SPAG16: variants seen among roughly 807,000 people sequenced by gnomAD.
SPAG16 encodes the protein sperm associated antigen 16, also known as sperm-associated antigen 16 protein.
A neutral mutation model predicts 80.4 loss-of-function variants in SPAG16; 86 were observed. The observed-to-expected ratio is 1.07, with a 90% confidence interval of 0.90 to 1.28. The LOEUF is 1.28. Ranked by LOEUF, SPAG16 falls within the 50% of genes most tolerant of loss-of-function variation. The pLI is 0.00. For missense variants in SPAG16, 870 were observed against 765.3 expected (o/e 1.14, Z -1.61); for synonymous variants, 294 against 265.9 (o/e 1.11, Z -1.03).
intron 15 of SPAG16, among the ~76,000 whole-genome samples, chr2:214,272,185 G>T (rs1576645847): frequency 6.6e-6 from 1 of 151,978 alleles, no homozygotes; most frequent in Non-Finnish European, 1.5e-5. Context: ...ATGATATAAG[G>T]TATGAAAGTG....
intron 10 of SPAG16, among the ~76,000 whole-genome samples, chr2:213,546,017 G>T (rs1317384294): frequency 6.6e-6 from 1 of 151,924 alleles, no homozygotes; most frequent in African/African-American, 2.4e-5. Context: ...CTTTAGTTGG[G>T]TGCCTTACCT....
intron 9 of SPAG16, among the ~76,000 whole-genome samples, chr2:213,388,197 C>A (rs116317427): frequency 0.015 from 2,252 of 152,320 alleles, 35 homozygotes; most frequent in Middle Eastern, 0.044. Flanking sequence ...GGGCAAAAAG[C>A]ATCCTGTCCT....
intron 10 of SPAG16, among the ~76,000 whole-genome samples, chr2:213,857,948 G>A (rs1461207252): frequency 6.6e-6 from 1 of 152,176 alleles, no homozygotes; most frequent in Admixed American, 6.5e-5. Flanking sequence ...CATCAGATGT[G>A]ATAGAAATAG....
intron 9 of SPAG16, among the ~76,000 whole-genome samples, chr2:213,421,467 G>A (rs2069582929): frequency 6.6e-6 from 1 of 152,228 alleles, no homozygotes; most frequent in South Asian, 2.1e-4. Context: ...ACATGTAGAT[G>A]GTGGCAGGAG....
intron 14 of SPAG16, among the ~76,000 whole-genome samples, chr2:214,140,933 T>TGGGGGGGGGG (rs56893647): frequency 5.1e-5 from 3 of 59,212 alleles, no homozygotes; most frequent in African/African-American, 1.3e-4. Flanking sequence ...ATCCCATTGG[T>TGGGGGGGGGG]GGGGGGGGGG....
chr2:214,322,067 T>G (rs562425266), intron 15 of SPAG16, among the ~76,000 whole-genome samples: 25 of 152,350 alleles, frequency 1.6e-4, no homozygotes, highest in African/African-American at 6.0e-4. Context: ...AAGAGATAAT[T>G]TTGTGGATTT....
intron 9 of SPAG16, among the ~76,000 whole-genome samples, chr2:213,414,376 A>T (rs2069140872): frequency 6.6e-6 from 1 of 152,188 alleles, no homozygotes; most frequent in Non-Finnish European, 1.5e-5. Context: ...TTCCTTAATT[A>T]ATTAGACATT....
chr2:214,269,367 C>G (rs1256823352), intron 15 of SPAG16, among the ~76,000 whole-genome samples: 1 of 151,902 alleles, frequency 6.6e-6, no homozygotes, highest in Admixed American at 6.6e-5. Flanking sequence ...TAAATGATTT[C>G]TTTTGATCTT....
chr2:214,133,891 G>A (rs1559831594), intron 14 of SPAG16, among the ~76,000 whole-genome samples: 1 of 152,142 alleles, frequency 6.6e-6, no homozygotes, highest in Non-Finnish European at 1.5e-5. Context: ...AAGTGCAGCA[G>A]AAGGCTCAAG....
intron 12 of SPAG16, among the ~76,000 whole-genome samples, chr2:213,955,450 T>A (rs2044070503): frequency 6.6e-6 from 1 of 152,202 alleles, no homozygotes; most frequent in South Asian, 2.1e-4. Context: ...CGCTATTTCA[T>A]CCTTGACTTG....
In SPAG16 at chr2:214,382,796, G is replaced by A. The variant is rs1013357061; in HGVS notation, c.1721-27344G>A. Among the ~76,000 whole-genome samples, 6 of 152,150 alleles carry A rather than the reference G, an allele frequency of 3.9e-5. No individual in the cohort carries two copies. In the East Asian group the frequency reaches 7.7e-4, roughly 20 times the overall value. On this transcript the variant is annotated intron_variant, in intron 15 of 15. Coordinates refer to ENST00000331683, the MANE Select transcript of SPAG16 (RefSeq NM_024532.5). ...ATAGGCTTTTTCTTTTGAGAGTGAT[G>A]GAAAGATATGCCAGGTACAGAGAGC...
At chr2:214,066,539 T>C (rs1222372021) in intron 13 of SPAG16, among the ~76,000 whole-genome samples, 8 of 152,158 alleles carry the variant, frequency 5.3e-5, no homozygotes, top group Non-Finnish European at 1.5e-5. Flanking sequence ...TCTTTCCTTA[T>C]TGGTTTCAAA....
intron 15 of SPAG16, among the ~76,000 whole-genome samples, chr2:214,291,804 C>CAG (rs1246459681): frequency 2.0e-5 from 3 of 151,942 alleles, no homozygotes; most frequent in Non-Finnish European, 4.4e-5. Flanking sequence ...TGTAGTGGTA[C>CAG]AATTTGGGTT....
At chr2:213,290,397 A>G (rs749042892) in intron 1 of SPAG16, among the ~76,000 whole-genome samples, 2 of 152,194 alleles carry the variant, frequency 1.3e-5, no homozygotes, top group African/African-American at 4.8e-5. Flanking sequence ...AAGGGGAGCC[A>G]TGGACACTAC....
At chr2:214,122,587 G>T (rs1232414191) in intron 14 of SPAG16, among the ~76,000 whole-genome samples, 10 of 151,822 alleles carry the variant, frequency 6.6e-5, no homozygotes, top group Non-Finnish European at 3.0e-5. Context: ...ATAAAGAAAT[G>T]CAAACAACAA....
intron 13 of SPAG16, among the ~76,000 whole-genome samples, chr2:214,039,631 G>T (rs1222110831): frequency 1.3e-5 from 2 of 152,126 alleles, no homozygotes; most frequent in African/African-American, 4.8e-5. Flanking sequence ...TGGATTCTGT[G>T]GCACTTAAAA....
chr2:213,900,046 T>C (rs546810276), intron 11 of SPAG16, among the ~76,000 whole-genome samples: 1 of 152,294 alleles, frequency 6.6e-6, no homozygotes, highest in African/African-American at 2.4e-5. Context: ...AAATATATTC[T>C]GCCTTTGTTG....
intron 15 of SPAG16, among the ~76,000 whole-genome samples, chr2:214,275,201 G>T (rs1410860306): frequency 6.6e-6 from 1 of 151,956 alleles, no homozygotes; most frequent in Non-Finnish European, 1.5e-5. Context: ...TTCTTTATTA[G>T]TCTTGCTAGC....
At chr2:214,280,326 C>T (rs1692824517) in intron 15 of SPAG16, among the ~76,000 whole-genome samples, 1 of 152,164 alleles carries the variant, frequency 6.6e-6, no homozygotes, top group Non-Finnish European at 1.5e-5. Context: ...AATACAATGC[C>T]AGTTCAAATC....
Sources: allele counts gnomAD v4.1 joint callset (sites outside exome capture counted in the v4.1 genomes callset), GRCh38; gene constraint gnomAD v4.1.1; transcripts MANE v1.5; gene names NCBI Gene and HGNC (gene_info 2026-07-23, HGNC 2026-07-21).